KCNK1: variants seen among roughly 807,000 people sequenced by gnomAD.
The protein encoded by KCNK1 is potassium channel subfamily K member 1.
A neutral mutation model predicts 22.2 loss-of-function variants in KCNK1; 10 were observed. That is an observed-to-expected ratio of 0.45 (90% CI 0.28 to 0.76). The LOEUF is 0.76. Among genes scored for constraint, KCNK1 ranks in the 30% least tolerant of loss-of-function variants. The pLI is 0.14. For synonymous variants in KCNK1, 200 were observed against 186.4 expected (o/e 1.07, Z -0.60); for missense variants, 378 against 421.0 (o/e 0.90, Z 0.89).
At chr1:233,665,631 T>C (rs1658474464) in intron 1 of KCNK1, among the ~76,000 whole-genome samples, 1 of 145,850 alleles carries the variant, frequency 6.9e-6, no homozygotes, top group Admixed American at 6.9e-5. Flanking sequence ...AAGAATCCCC[T>C]GGTCGGGGCC....
chr1:233,625,392 T>G (rs1657671582), intron 1 of KCNK1, among the ~76,000 whole-genome samples: 1 of 152,146 alleles, frequency 6.6e-6, no homozygotes, highest in South Asian at 2.1e-4. Context: ...AGGAAAAGTT[T>G]TATGGTTTTA....
chr1:233,635,376 G>A (rs1047446926), intron 1 of KCNK1, among the ~76,000 whole-genome samples: 2 of 152,036 alleles, frequency 1.3e-5, no homozygotes, highest in Admixed American at 6.6e-5. Context: ...CTTGAAATAT[G>A]GTAATAAACA....
At chr1:233,633,146 G>T (rs991155777) in intron 1 of KCNK1, among the ~76,000 whole-genome samples, 6 of 151,084 alleles carry the variant, frequency 4.0e-5, no homozygotes, top group Admixed American at 6.6e-5. Flanking sequence ...GAAACATGGG[G>T]TGGAGAAGAG....
At chr1:233,660,143 C>T (rs1045671613) in intron 1 of KCNK1, among the ~76,000 whole-genome samples, 12 of 152,212 alleles carry the variant, frequency 7.9e-5, no homozygotes, top group Admixed American at 7.2e-4. Context: ...TGAAAATATA[C>T]TTATATATTG....
chr1:233,631,831 C>G (rs914861675), intron 1 of KCNK1, among the ~76,000 whole-genome samples: 1 of 152,032 alleles, frequency 6.6e-6, no homozygotes, highest in African/African-American at 2.4e-5. Context: ...GCAAGTAATT[C>G]TCCTTTTCCC....
chr1:233,655,224 T>C (rs1658269797), intron 1 of KCNK1, among the ~76,000 whole-genome samples: 1 of 152,220 alleles, frequency 6.6e-6, no homozygotes, highest in Admixed American at 6.5e-5. Context: ...TTTCTATTCT[T>C]TTCTTTCTTT....
At position 233,642,536 on chromosome 1, in the gene KCNK1, C is replaced by T. The variant is rs117918468; in HGVS notation, c.356-24059C>T. On this transcript the variant is annotated intron_variant, in intron 1 of 2. Coordinates refer to ENST00000366621, the MANE Select transcript of KCNK1 (RefSeq NM_002245.4). ...AAGGGCAGGGGGTGTTCTGAGACCA[C>T]GTCCTGGTTCTCTGATGCAGGCGCA... Among the ~76,000 whole-genome samples, 17 of 152,190 alleles carry T rather than the reference C, an allele frequency of 1.1e-4. No individual in the cohort carries two copies. In the East Asian group the frequency reaches 2.9e-3, roughly 26 times the overall value.
rs1378012619 is a variant in KCNK1, at chr1:233,614,391, C to A, written c.220C>A (p.Gln74Lys). Residue 74 changes from glutamine (Q) to lysine (K), a missense_variant, in exon 1 of 3, where the codon CAG (glutamine) becomes AAG (lysine). Transcript: ENST00000366621. ...LEEHECLSEQQLEQFLGRVLE... is the reference protein window; with the variant it reads ...LEEHECLSEQKLEQFLGRVLE... ...GGAGCACGAGTGCCTGTCTGAGCAG[C>A]AGCTGGAGCAGTTCCTGGGCCGGGT... 11 of 1,611,386 alleles carry A rather than the reference C, an allele frequency of 6.8e-6. No homozygotes were observed. The highest frequency in any genetic ancestry group is 9.3e-6 in the Non-Finnish European group (11 of 1,178,912).
chr1:233,618,665 C>T (rs1657526733), intron 1 of KCNK1, among the ~76,000 whole-genome samples: 1 of 152,148 alleles, frequency 6.6e-6, no homozygotes, highest in African/African-American at 2.4e-5. Flanking sequence ...GCAGGCAGAT[C>T]ACGAGGTCAA....
intron 1 of KCNK1, among the ~76,000 whole-genome samples, chr1:233,654,879 G>A (rs1288027484): frequency 6.6e-6 from 1 of 152,222 alleles, no homozygotes; most frequent in Non-Finnish European, 1.5e-5. Flanking sequence ...AGAAGTAATT[G>A]GGGCTGCCAC....
chr1:233,637,435 G>A (rs1657918681), intron 1 of KCNK1: 1 of 152,138 alleles, frequency 6.6e-6, no homozygotes, highest in Admixed American at 6.5e-5. Flanking sequence ...AGGTGAGAAG[G>A]TAAGGAAAAT....
At chr1:233,622,502 A>G (rs1328443102) in intron 1 of KCNK1, among the ~76,000 whole-genome samples, 2 of 152,208 alleles carry the variant, frequency 1.3e-5, no homozygotes, top group Non-Finnish European at 2.9e-5. Context: ...TGATACTTCT[A>G]TCTCCTAGAC....
intron 1 of KCNK1, among the ~76,000 whole-genome samples, chr1:233,620,196 C>T (rs970366255): frequency 1.2e-4 from 19 of 152,150 alleles, no homozygotes; most frequent in South Asian, 4.1e-4. Context: ...GACTGCTTAG[C>T]GGCTAAGGTG....
chr1:233,638,301 CA>C (rs1192259954), intron 1 of KCNK1, among the ~76,000 whole-genome samples: 1 of 150,564 alleles, frequency 6.6e-6, no homozygotes, highest in East Asian at 1.9e-4. Context: ...ATGGTTTTAT[CA>C]GGAAAAAAAT....
intron 1 of KCNK1, among the ~76,000 whole-genome samples, chr1:233,653,269 A>C (rs1658230814): frequency 6.6e-6 from 1 of 152,162 alleles, no homozygotes; most frequent in Non-Finnish European, 1.5e-5. Flanking sequence ...AGGTGCCCCC[A>C]CAGCATGGCA....
chr1:233,638,475 G>C (rs1266863908), intron 1 of KCNK1, among the ~76,000 whole-genome samples: 1 of 152,042 alleles, frequency 6.6e-6, no homozygotes, highest in South Asian at 2.1e-4. Flanking sequence ...TTTTGCAGAA[G>C]GGAGAATGTT....
At position 233,666,577 on chromosome 1, in the gene KCNK1, A is replaced by T. The variant is rs771236370; in HGVS notation, c.356-18A>T. 4 of 1,579,380 alleles carry T rather than the reference A, an allele frequency of 2.5e-6. No homozygotes were observed. In the African/African-American group the frequency reaches 4.1e-5, roughly 16 times the overall value. On this transcript the variant is annotated intron_variant, in intron 1 of 2. Transcript: ENST00000366621. The stretch of plus-strand genomic sequence containing the variant: ...TTGTCTCTTCCTCTTCGCCTCAGTG[A>T]CCTTGTTCTCCTTGCAGGTTATGGC...
intron 1 of KCNK1, among the ~76,000 whole-genome samples, chr1:233,645,262 G>A (rs931128106): frequency 7.9e-5 from 12 of 152,112 alleles, no homozygotes; most frequent in African/African-American, 2.9e-4. Flanking sequence ...GTTGTAATGG[G>A]TTTAATGGTG....
intron 1 of KCNK1, among the ~76,000 whole-genome samples, chr1:233,646,357 A>G (rs956204381): frequency 2.6e-5 from 4 of 152,146 alleles, no homozygotes; most frequent in Admixed American, 2.0e-4. Context: ...AGGTGAGGCT[A>G]GGGGCAGCCA....
Sources: allele counts gnomAD v4.1 joint callset (sites outside exome capture counted in the v4.1 genomes callset), GRCh38; gene constraint gnomAD v4.1.1; transcripts MANE v1.5; gene names NCBI Gene and HGNC (gene_info 2026-07-23, HGNC 2026-07-21).